The following CEP63 variants were observed in gnomAD, a reference collection of about 807,000 sequenced individuals.
The protein encoded by CEP63 is centrosomal protein of 63 kDa.
CEP63 carries 84 observed loss-of-function variants against 89.1 expected under a neutral mutation model. The observed-to-expected ratio is 0.94, with a 90% CI of 0.79 to 1.13. The LOEUF is 1.13. CEP63 is among the 50% of genes most tolerant of loss of function. CEP63 has a pLI of 0.00. For missense variants in CEP63, 838 were observed against 813.3 expected, an observed-to-expected ratio of 1.03 and a Z score of -0.37; for synonymous variants, 267 against 272.5, an observed-to-expected ratio of 0.98 and a Z score of 0.20.
At chr3:134,558,384 G>T (rs1468668850) in intron 13 of CEP63, 37 bp downstream of exon 13, 2 of 1,292,822 alleles carry the variant, frequency 1.5e-6, no homozygotes, top group Middle Eastern at 2.2e-4. Flanking sequence ...AATGTGTATT[G>T]GTACAATATA....
At chr3:134,514,683 C>T (rs1031350950) in intron 3 of CEP63, among the ~76,000 whole-genome samples, 1 of 152,138 alleles carries the variant, frequency 6.6e-6, no homozygotes, top group African/African-American at 2.4e-5. Context: ...AACGAGAATT[C>T]TGTATCCAGA....
At chr3:134,659,677 C>G in the CEP63 span, among the ~76,000 whole-genome samples, 4 of 152,216 alleles carry the variant, frequency 2.6e-5, no homozygotes, top group Non-Finnish European at 5.9e-5. Context: ...GAGAGGACCT[C>G]TCCTGGTGGT....
the CEP63 span, among the ~76,000 whole-genome samples, chr3:134,670,066 C>T: frequency 1.3e-5 from 2 of 152,272 alleles, no homozygotes; most frequent in Middle Eastern, 3.4e-3. Context: ...AGAGGGCCCT[C>T]ATCAGAACCC....
chr3:134,602,857 T>C, the CEP63 span, among the ~76,000 whole-genome samples: 1 of 152,234 alleles, frequency 6.6e-6, no homozygotes, highest in Non-Finnish European at 1.5e-5. Context: ...ACAGCGGGCA[T>C]GGGCTGCTCT....
Position 134,550,137 on chromosome 3 carries a change from T to C in CEP63, c.1257T>C (p.His419=). 2 of 1,613,902 alleles carry C rather than the reference T, an allele frequency of 1.2e-6. No homozygotes were observed. The highest frequency in any genetic ancestry group is 1.7e-6 in the Non-Finnish European group (2 of 1,179,780). The change falls in exon 11 of 15, where the codon CAT becomes CAC. Residue 419 remains histidine, a synonymous_variant. Coordinates refer to ENST00000675561, the MANE Select transcript of CEP63 (RefSeq NM_001353108.3). ...AAGGAATGAAGATGGAAATCTCCCA[T>C]CTAACTCAGGAGTTACATCAGCGAG... ...ALEGMKMEIS[H]LTQELHQRDI...
At chr3:134,701,942 T>C in the CEP63 span, among the ~76,000 whole-genome samples, 2 of 152,154 alleles carry the variant, frequency 1.3e-5, no homozygotes, top group Non-Finnish European at 2.9e-5. Flanking sequence ...AACAAGCTAC[T>C]GAATCTGGGC....
chr3:134,557,091 A>G (rs964090670), intron 12 of CEP63, among the ~76,000 whole-genome samples: 2 of 152,194 alleles, frequency 1.3e-5, no homozygotes, highest in Non-Finnish European at 2.9e-5. Context: ...TTTGGGTTAA[A>G]TGTCTATTTT....
chr3:134,549,607 A>G (rs1480311834), intron 10 of CEP63, among the ~76,000 whole-genome samples: 4 of 152,150 alleles, frequency 2.6e-5, no homozygotes, highest in Non-Finnish European at 5.9e-5. Context: ...GTTTGTGTCT[A>G]TATGAATGGG....
chr3:134,646,057 T>G, the CEP63 span, among the ~76,000 whole-genome samples: 2 of 152,146 alleles, frequency 1.3e-5, no homozygotes, highest in African/African-American at 4.8e-5. Context: ...TGTTTCCACC[T>G]GTGGCTTGCT....
At chr3:134,547,169 T>C (rs1428613579) in intron 8 of CEP63, among the ~76,000 whole-genome samples, 166 bp from the exon 9 acceptor site, 2 of 152,178 alleles carry the variant, frequency 1.3e-5, no homozygotes, top group African/African-American at 4.8e-5. Context: ...TATCAGCATC[T>C]CTTGACTCTT....
chr3:134,767,425 T>C, the CEP63 span, among the ~76,000 whole-genome samples: 1 of 152,288 alleles, frequency 6.6e-6, no homozygotes, highest in South Asian at 2.1e-4. Context: ...AAAGTAAGTG[T>C]TCTGGCCTTC....
rs765292215 is a variant in CEP63 at position 134,558,216 on chromosome 3, A to G, written c.1542A>G (p.Gln514=). Residue 514 remains glutamine (Q), a synonymous_variant, in exon 13 of 15, where the codon CAA becomes CAG. Coordinates refer to ENST00000675561, the MANE Select transcript of CEP63 (RefSeq NM_001353108.3). The part of the protein sequence containing the change: ...EALNKLVSEN[Q]QLQKDLMNTK... ...TAAATAAATTAGTGTCTGAAAATCA[A>G]CAACTACAGAAAGATTTGATGAATA... 1 of 1,613,744 alleles carries G rather than the reference A, an allele frequency of 6.2e-7. No individual in the cohort carries two copies.
chr3:134,713,784 A>C, the CEP63 span, among the ~76,000 whole-genome samples: 2 of 152,200 alleles, frequency 1.3e-5, no homozygotes, highest in African/African-American at 2.4e-5. Flanking sequence ...CAGTAGGTGA[A>C]CTTGGTGAGC....
the CEP63 span, among the ~76,000 whole-genome samples, chr3:134,631,387 C>T: frequency 3.5e-3 from 532 of 152,170 alleles, 2 homozygotes; most frequent in African/African-American, 0.012. Context: ...GAAATGCTAA[C>T]GGAAGTTCTT....
downstream of CEP63, among the ~76,000 whole-genome samples, chr3:134,567,969 A>G (rs901868115): frequency 1.3e-5 from 2 of 152,260 alleles, no homozygotes; most frequent in African/African-American, 4.8e-5. Context: ...CTGCTTAGCA[A>G]GTCCCTCAGT....
At chr3:134,724,884 A>G in the CEP63 span, among the ~76,000 whole-genome samples, 7,110 of 152,260 alleles carry the variant, frequency 0.047, 308 homozygotes, top group Non-Finnish European at 0.059. Flanking sequence ...AAATTTGACA[A>G]CAATCCCTAA....
chr3:134,715,515 G>GA, the CEP63 span, among the ~76,000 whole-genome samples: 5 of 146,352 alleles, frequency 3.4e-5, no homozygotes, highest in Non-Finnish European at 6.0e-5. Context: ...GCCAGGAAAG[G>GA]TTTTTTTTTT....
chr3:134,627,000 C>T, the CEP63 span, among the ~76,000 whole-genome samples: 1 of 152,174 alleles, frequency 6.6e-6, no homozygotes, highest in South Asian at 2.1e-4. Context: ...CTCAGTATAG[C>T]TCTGCAAATG....
exon 12 of CEP63, chr3:134,574,969 T>A (rs1442373711): frequency 9.4e-6 from 4 of 424,888 alleles, no homozygotes; most frequent in African/African-American, 8.1e-5. Flanking sequence ...TTATATACAA[T>A]CTGTACTGTT....
Sources: allele counts gnomAD v4.1 joint callset (sites outside exome capture counted in the v4.1 genomes callset), GRCh38; gene constraint gnomAD v4.1.1; transcripts MANE v1.5; gene names NCBI Gene and HGNC (gene_info 2026-07-23, HGNC 2026-07-21).